AAR2: variants seen among roughly 807,000 people sequenced by gnomAD.
AAR2 encodes the protein AAR2 splicing factor.
A neutral mutation model predicts 26.9 loss-of-function variants in AAR2; 31 were observed. The observed-to-expected ratio is 1.15, with a 90% CI of 0.86 to 1.55. The LOEUF (loss-of-function observed/expected upper bound fraction) is 1.55, where lower values mean the gene tolerates loss of function less well. Among genes scored for constraint, AAR2 ranks in the 40% most tolerant of loss-of-function variants. The pLI, the probability that AAR2 is intolerant of heterozygous loss-of-function variation, is 0.00. For synonymous variants in AAR2, 188 were observed against 196.1 expected (o/e 0.96, Z 0.34); for missense variants, 430 against 491.3 (o/e 0.88, Z 1.18).
chr20:36,237,317 G>A lies in AAR2; in HGVS notation c.-49+814G>A, dbSNP rs896075717. Among the ~76,000 whole-genome samples the A allele has an allele frequency of 5.3e-5, 8 of 152,320 alleles. No homozygotes were observed. In the South Asian group the frequency reaches 1.7e-3, roughly 32 times the overall value. On this transcript the variant is annotated intron_variant, in intron 1 of 3. Coordinates refer to ENST00000320849, the MANE Select transcript of AAR2 (RefSeq NM_001271874.2). ...GGTGTTGTGATTAGATTGGCATTTTGAAAAGGTTACTGCTGTTGAATGGAG... is the reference window on the plus strand; with the variant it reads ...GGTGTTGTGATTAGATTGGCATTTTAAAAAGGTTACTGCTGTTGAATGGAG...
intron 1 of AAR2, among the ~76,000 whole-genome samples, chr20:36,237,749 CGTATTATTA>C (rs913119526): frequency 7.8e-6 from 1 of 128,294 alleles, no homozygotes; most frequent in South Asian, 2.6e-4. Flanking sequence ...GAAGATGATA[CGTATTATTA>C]TTATTATTAT....
At chr20:36,246,313 G>A (rs2064734352) in intron 3 of AAR2, among the ~76,000 whole-genome samples, 1 of 152,154 alleles carries the variant, frequency 6.6e-6, no homozygotes. Flanking sequence ...ACCTACTGTT[G>A]GATGAGTCCC....
At chr20:36,247,566 A>C (rs2064746053) in intron 3 of AAR2, among the ~76,000 whole-genome samples, 1 of 152,118 alleles carries the variant, frequency 6.6e-6, no homozygotes, top group South Asian at 2.1e-4. Context: ...TTTTAAAAAA[A>C]AAAATTGTTG....
intron 3 of AAR2, among the ~76,000 whole-genome samples, chr20:36,248,642 T>C (rs2064757556): frequency 6.6e-6 from 1 of 152,130 alleles, no homozygotes; most frequent in African/African-American, 2.4e-5. Flanking sequence ...TGTCATTTGG[T>C]GTTATTGGGT....
chr20:36,251,766 CG>C lies in AAR2; in HGVS notation c.988-3811del, dbSNP rs201681114. Among the ~76,000 whole-genome samples, 62 of 152,284 alleles carry C rather than the reference CG, an allele frequency of 4.1e-4. No individual in the cohort carries two copies. The East Asian group carries it at 0.012, about 29-fold the overall frequency. ...ACGAAGCACTTTTTAAATTAGAAAA[CG>C]TATTTGTTAGACTGAAGGTGTCTGT... On this transcript the variant is annotated intron_variant, in intron 3 of 3. Coordinates refer to ENST00000320849, the MANE Select transcript of AAR2 (RefSeq NM_001271874.2).
chr20:36,239,295 C>T (rs963062059), intron 1 of AAR2, among the ~76,000 whole-genome samples: 1 of 152,198 alleles, frequency 6.6e-6, no homozygotes, highest in African/African-American at 2.4e-5. Context: ...CACTTGCTAC[C>T]GTCTGTCCAT....
rs1298347843 is a variant in AAR2 at position 36,256,723 on chromosome 20, TC to T, written c.*980del. 1 of 152,562 alleles carries T rather than the reference TC, an allele frequency of 6.6e-6. No individual in the cohort carries two copies. The highest frequency in any genetic ancestry group is 1.9e-4 in the East Asian group (1 of 5,192). The allele number at this position is 152,562 out of a possible 1,614,324, so 9.5% of individuals were successfully genotyped here. A position where few individuals can be genotyped will look rare whatever the true frequency, so the allele number is the denominator to read the frequency against. ...AGTCCTTCGTGCTGTGTGGCAGGGT[TC>T]CTCTCTAGACAAGTACACAGGCCCT... On this transcript the variant is annotated 3_prime_UTR_variant, in exon 4 of 4. Transcript: ENST00000320849.
chr20:36,237,224 GTAGGTAA>G (rs1158540173), intron 1 of AAR2, among the ~76,000 whole-genome samples: 1 of 152,220 alleles, frequency 6.6e-6, no homozygotes, highest in African/African-American at 2.4e-5. Flanking sequence ...TGCAGGCTTT[GTAGGTAA>G]TAGGAAGAAT....
Position 36,240,304 on chromosome 20 carries a change from G to T in AAR2, c.436G>T (p.Glu146Ter), listed in dbSNP as rs2064665346. Residue 146 changes from glutamate to a stop codon, truncating the protein, a stop_gained, in exon 2 of 4, where the codon GAG (glutamate) becomes TAG (stop). Coordinates refer to ENST00000320849, the MANE Select transcript of AAR2 (RefSeq NM_001271874.2). LOFTEE classifies it high-confidence loss of function. ...CAACTTCATCAGCGAAGCCACAGTG[G>T]AGAAGCTACAGCCCGAGAATCGACA... is the stretch of plus-strand genomic sequence containing the variant. ...LTNFISEATVEKLQPENRQIC... is the reference protein window; with the variant it reads ...LTNFISEATV 1.2e-6 allele frequency: 2 copies of T among 1,614,110 alleles called. No homozygotes were observed. The highest frequency in any genetic ancestry group is 2.7e-5 in the African/African-American group (2 of 74,926).
chr20:36,252,092 C>T (rs112672527), intron 3 of AAR2, among the ~76,000 whole-genome samples: 2 of 152,140 alleles, frequency 1.3e-5, no homozygotes, highest in African/African-American at 2.4e-5. Flanking sequence ...GAGGGAGGCT[C>T]GGGCACAGTG....
chr20:36,247,751 C>T (rs1219807180), intron 3 of AAR2, among the ~76,000 whole-genome samples: 1 of 152,014 alleles, frequency 6.6e-6, no homozygotes, highest in East Asian at 1.9e-4. Flanking sequence ...CGCCTCTAGT[C>T]CCAGCTACTC....
intron 3 of AAR2, among the ~76,000 whole-genome samples, chr20:36,251,448 C>T (rs1415618931): frequency 6.6e-6 from 1 of 151,962 alleles, no homozygotes; most frequent in African/African-American, 2.4e-5. Context: ...TCAACCCAGA[C>T]TATGCCCTGT....
chr20:36,246,375 A>G (rs999033612), intron 3 of AAR2, among the ~76,000 whole-genome samples: 2 of 152,222 alleles, frequency 1.3e-5, no homozygotes, highest in African/African-American at 4.8e-5. Flanking sequence ...TGTGTAAACC[A>G]TGGCAATGAG....
At chr20:36,241,783 A>G (rs932015114) in intron 2 of AAR2, among the ~76,000 whole-genome samples, 1 of 152,134 alleles carries the variant, frequency 6.6e-6, no homozygotes, top group African/African-American at 2.4e-5. Flanking sequence ...TCTCAAAAAT[A>G]TATATACATA....
At chr20:36,238,145 C>T (rs1414155731) in intron 1 of AAR2, among the ~76,000 whole-genome samples, 4 of 152,052 alleles carry the variant, frequency 2.6e-5, no homozygotes, top group African/African-American at 9.7e-5. Flanking sequence ...CCTACAGTAA[C>T]GAATACATTT....
chr20:36,253,011 C>T (rs989683939), intron 3 of AAR2, among the ~76,000 whole-genome samples: 2 of 152,142 alleles, frequency 1.3e-5, no homozygotes, highest in South Asian at 2.1e-4. Flanking sequence ...GTTGTGGCTG[C>T]GCTTCCCACT....
In AAR2 at chr20:36,239,818, C is replaced by T. The variant is rs1180191567; in HGVS notation, c.-48-3C>T. 6.6e-7 allele frequency: 1 copy of T among 1,513,638 alleles called. No homozygotes were observed. Among genetic ancestry groups the T allele is most frequent in the Non-Finnish European group, 8.8e-7 (1 of 1,130,694 alleles). 93.8% of individuals were successfully genotyped at this position (1,513,638 alleles called of 1,614,324 possible). Reference sequence around the variant, plus strand: ...GATTAACTCTGGTTTCTTTCTTTCTCAGCTGTTCATCAAAGAAAAAGGGTT... The same window carrying T: ...GATTAACTCTGGTTTCTTTCTTTCTTAGCTGTTCATCAAAGAAAAAGGGTT... On this transcript the variant is annotated splice_region_variant and splice_polypyrimidine_tract_variant and intron_variant, in intron 1 of 3. Transcript: ENST00000320849.
Position 36,244,710 on chromosome 20 carries a change from T to C in AAR2, c.771T>C (p.Phe257=). 1 of 1,614,216 alleles carries C rather than the reference T, an allele frequency of 6.2e-7. No homozygotes were observed. Among genetic ancestry groups the C allele is most frequent in the South Asian group, 1.1e-5 (1 of 91,078 alleles). The stretch of plus-strand genomic sequence containing the variant: ...TGCACCTTTCAGGTGAACTCCAGTT[T>C]GCTTTTGTGTGCTTCCTGCTGGGGA... ...SPQDVLGELQ[F]AFVCFLLGNV... The change falls in exon 3 of 4, where the codon TTT becomes TTC. Residue 257 remains phenylalanine, a synonymous_variant. Coordinates refer to ENST00000320849, the MANE Select transcript of AAR2 (RefSeq NM_001271874.2).
intron 1 of AAR2, among the ~76,000 whole-genome samples, chr20:36,238,756 A>C (rs1020004519): frequency 2.0e-4 from 27 of 135,214 alleles, no homozygotes; most frequent in African/African-American, 6.9e-4. Flanking sequence ...ACCCTGTCTC[A>C]AAAAAAAAAA....
Sources: gnomAD v4.1 joint callset for allele counts (sites outside exome capture counted in the v4.1 genomes callset) on GRCh38, gnomAD v4.1.1 for gene constraint, MANE v1.5 for transcripts, NCBI Gene and HGNC (gene_info 2026-07-23, HGNC 2026-07-21) for gene names.